The following CCDC141 variants were observed in gnomAD, a reference collection of about 807,000 sequenced individuals.
The protein encoded by CCDC141 is coiled-coil domain-containing protein 141.
Under a neutral mutation model 181.0 loss-of-function variants are expected in CCDC141, and 168 were observed. The ratio of observed to expected loss-of-function variants is 0.93; its 90% CI spans 0.82 to 1.05. The LOEUF is 1.05. Ranked by LOEUF, CCDC141 falls within the 50% of genes least tolerant of loss-of-function variation. CCDC141 has a pLI of 0.00. For missense variants in CCDC141, 1,902 were observed against 1,788.5 expected, an observed-to-expected ratio of 1.06 and a Z score of -1.14; for synonymous variants, 666 against 642.3, an observed-to-expected ratio of 1.04 and a Z score of -0.56.
chr2:179,045,517 G>A (rs1342365035), intron 2 of CCDC141, among the ~76,000 whole-genome samples: 1 of 152,098 alleles, frequency 6.6e-6, no homozygotes, highest in South Asian at 2.1e-4. Flanking sequence ...AGTCCTTTGG[G>A]TATGTACCCA....
chr2:178,918,797 C>A lies in CCDC141; in HGVS notation c.1008G>T (p.Gln336His). ...TGAGTTGACCAAATTCTTCTTGAAG[C>A]TGACTGAGTTTCTGGTGAGAGAGCT... ...HLQLSHQKLSQLQEEFGQLMV... is the reference protein window; with the variant it reads ...HLQLSHQKLSHLQEEFGQLMV... Residue 336 changes from glutamine (Q) to histidine (H), a missense_variant, in exon 7 of 24, where the codon CAG becomes CAT. By Grantham distance (24) the Gln-to-His change is conservative. Transcript: ENST00000443758. The A allele has an allele frequency of 6.4e-7, 1 of 1,550,598 alleles. No homozygotes were observed. The highest frequency in any genetic ancestry group is 8.7e-7 in the Non-Finnish European group (1 of 1,146,980).
At chr2:178,868,236 G>T in intron 15 of CCDC141, 31 bp from the exon 16 acceptor site, 1 of 1,567,270 alleles carries the variant, frequency 6.4e-7, no homozygotes, top group Non-Finnish European at 8.7e-7. Context: ...AATTAACCTG[G>T]GTTTTATATG....
At chr2:179,020,032 A>G (rs1311186384) in intron 2 of CCDC141, among the ~76,000 whole-genome samples, 2 of 152,182 alleles carry the variant, frequency 1.3e-5, no homozygotes, top group Admixed American at 6.5e-5. Context: ...CTAGGATTAC[A>G]GGCATGGACC....
Position 178,888,437 on chromosome 2 carries a change from C to T in CCDC141, c.1407+90G>A, listed in dbSNP as rs899015658. On this transcript the variant is annotated intron_variant, in intron 9 of 23. Transcript: ENST00000443758. ...CATAAGGGCAGCCTAAGGAGACATG[C>T]CCCTGTCCTCCCGCCATGCCCACAT... is the stretch of plus-strand genomic sequence containing the variant. 129 of 1,193,134 alleles carry T rather than the reference C, an allele frequency of 1.1e-4. No homozygotes were observed. The Middle Eastern group carries it at 1.8e-3, about 17-fold the overall frequency. The allele number at this position is 1,193,134 out of a possible 1,614,324, so 73.9% of individuals were successfully genotyped here.
Position 178,865,747 on chromosome 2 carries a change from C to G in CCDC141, c.2724+20G>C. On this transcript the variant is annotated intron_variant, in intron 17 of 23. Transcript: ENST00000443758. The stretch of plus-strand genomic sequence containing the variant: ...ACAGCTTTTTGGCAATGTGCCAGTT[C>G]TCACCCCTCCCACACCCACCTCATT... The G allele has an allele frequency of 6.8e-7, 1 of 1,462,218 alleles. No homozygotes were observed. Among genetic ancestry groups the G allele is most frequent in the Non-Finnish European group, 9.1e-7 (1 of 1,100,476 alleles). 90.6% of individuals were successfully genotyped at this position (1,462,218 alleles called of 1,614,324 possible).
chr2:178,877,839 T>C, intron 12 of CCDC141, 125 bp downstream of exon 12: 4 of 901,604 alleles, frequency 4.4e-6, no homozygotes, highest in South Asian at 1.4e-5. Context: ...CTAGGTTGAA[T>C]GAAGCTAAAG....
chr2:178,816,941 T>C, the CCDC141 span, among the ~76,000 whole-genome samples: 3 of 152,136 alleles, frequency 2.0e-5, no homozygotes, highest in African/African-American at 7.2e-5. Flanking sequence ...AATCTGCACC[T>C]AAGAGAAATA....
At chr2:179,002,435 G>T in intron 2 of CCDC141, 1 of 378,648 alleles carries the variant, frequency 2.6e-6, no homozygotes, top group South Asian at 2.1e-5. Flanking sequence ...CTGACACCAT[G>T]ACGCCTCATC....
At position 178,896,106 on chromosome 2, in the gene CCDC141, A is replaced by G. The variant is rs1286182934; in HGVS notation, c.1266-7438T>C. On this transcript the variant is annotated intron_variant, in intron 8 of 23. Transcript: ENST00000443758. ...CCAGAATGAAAAGTGGAGCCATGAG[A>G]TAGACGTGACAAACAAAAAGGAATT... Among the ~76,000 whole-genome samples, 4 of 152,216 alleles carry G rather than the reference A, an allele frequency of 2.6e-5. No individual in the cohort carries two copies. The East Asian group carries it at 7.7e-4, about 29-fold the overall frequency.
In CCDC141 at chr2:179,047,308, A is replaced by G. The variant is rs1350534989; in HGVS notation, c.201T>C (p.His67=). ...CCTTGAGCTTGGCCAAAAGAAGTTC[A>G]TGATCATGAAGAAGTTTTTTGGTTT... ...QDETKKLLHD[H]ELLLAKLKAL... is the part of the protein sequence containing the mutation. Residue 67 remains histidine, a synonymous_variant, in exon 2 of 24, where the codon CAT becomes CAC. Transcript: ENST00000443758. 1 of 1,541,386 alleles carries G rather than the reference A, an allele frequency of 6.5e-7. No individual in the cohort carries two copies. The highest frequency in any genetic ancestry group is 2.5e-5 in the East Asian group (1 of 40,558).
intron 8 of CCDC141, among the ~76,000 whole-genome samples, chr2:178,894,824 A>G (rs929168640): frequency 1.3e-5 from 2 of 152,264 alleles, no homozygotes; most frequent in Non-Finnish European, 2.9e-5. Flanking sequence ...AAAAAAGGTA[A>G]TAGCAGAAAA....
intron 6 of CCDC141, among the ~76,000 whole-genome samples, chr2:178,929,288 G>T (rs113968511): frequency 3.3e-5 from 5 of 152,120 alleles, no homozygotes; most frequent in Non-Finnish European, 5.9e-5. Flanking sequence ...TACCTTTGGT[G>T]AAGGAATTTG....
At chr2:179,047,449 G>A (rs749290579) in intron 1 of CCDC141, 43 bp from the exon 2 acceptor site, 43 of 1,432,644 alleles carry the variant, frequency 3.0e-5, no homozygotes, top group Non-Finnish European at 1.9e-5. Flanking sequence ...AGTTCCTCTT[G>A]TTCCTTCCTC....
the CCDC141 span, among the ~76,000 whole-genome samples, chr2:178,824,617 CAAAAAAAAAAAAA>C: frequency 5.7e-5 from 3 of 52,292 alleles, no homozygotes; most frequent in African/African-American, 1.8e-4. Context: ...GAGACTTCGT[CAAAAAAAAAAAAA>C]AAAAAAAAAA....
intron 5 of CCDC141, among the ~76,000 whole-genome samples, chr2:178,951,875 G>A (rs745714958): frequency 2.0e-5 from 3 of 152,220 alleles, no homozygotes; most frequent in Non-Finnish European, 2.9e-5. Context: ...TTCTGAGAGT[G>A]AATATGGTCA....
intron 8 of CCDC141, among the ~76,000 whole-genome samples, chr2:178,903,202 T>C (rs991531374): frequency 7.4e-5 from 11 of 148,314 alleles, no homozygotes; most frequent in Non-Finnish European, 1.1e-4. Context: ...AGTGTGGCGA[T>C]TCCTCAGGGA....
the CCDC141 span, among the ~76,000 whole-genome samples, chr2:178,818,094 C>T: frequency 6.6e-6 from 1 of 152,114 alleles, no homozygotes; most frequent in Non-Finnish European, 1.5e-5. Context: ...TGAGCCACCG[C>T]ACCTGGCCCA....
chr2:179,002,511 C>T, intron 2 of CCDC141: 1 of 407,710 alleles, frequency 2.5e-6, no homozygotes, highest in Admixed American at 2.8e-5. Flanking sequence ...AAGATGATGT[C>T]CAACAATATG....
At chr2:178,824,061 A>AC in the CCDC141 span, among the ~76,000 whole-genome samples, 204 of 147,520 alleles carry the variant, frequency 1.4e-3, 2 homozygotes, top group African/African-American at 4.4e-3. Flanking sequence ...TACAGAGAAA[A>AC]ACACACACAC....
Sources: allele counts gnomAD v4.1 joint callset (sites outside exome capture counted in the v4.1 genomes callset), GRCh38; gene constraint gnomAD v4.1.1; transcripts MANE v1.5; gene names NCBI Gene and HGNC (gene_info 2026-07-23, HGNC 2026-07-21).